Variants in RASL12 observed in about 807,000 individuals in gnomAD.
RASL12 encodes RAS like family 12, also known as ras-like protein family member 12.
A neutral mutation model predicts 22.9 loss-of-function variants in RASL12; 16 were observed. The observed-to-expected ratio is 0.70, with a 90% CI of 0.47 to 1.06. The LOEUF is 1.06. RASL12 is among the 50% of genes least tolerant of loss of function. RASL12 has a pLI of 0.00. For missense variants in RASL12, 306 were observed against 353.1 expected, an observed-to-expected ratio of 0.87 and a Z score of 1.07; for synonymous variants, 159 against 152.2, an observed-to-expected ratio of 1.04 and a Z score of -0.33.
intron 1 of RASL12, among the ~76,000 whole-genome samples, chr15:65,076,272 G>A (rs948872746): frequency 5.3e-5 from 8 of 152,164 alleles, no homozygotes; most frequent in Non-Finnish European, 8.8e-5. Flanking sequence ...GGTCCACACT[G>A]CTTTTATGAG....
At chr15:65,050,446 C>G (rs1036246629), downstream of RASL12, among the ~76,000 whole-genome samples, 1 of 152,172 alleles carries the variant, frequency 6.6e-6, no homozygotes, top group East Asian at 1.9e-4. Context: ...TAAAAATAAA[C>G]AACTAAAACG....
At chr15:65,059,260 A>G (rs1296173502) in intron 3 of RASL12, 85 bp downstream of exon 3, 1 of 1,179,302 alleles carries the variant, frequency 8.5e-7, no homozygotes, top group African/African-American at 1.5e-5. Context: ...CTAAATGCCT[A>G]TCTGAGGTCC....
At chr15:65,058,368 T>C in intron 4 of RASL12, 59 bp downstream of exon 4, 1 of 1,372,318 alleles carries the variant, frequency 7.3e-7, no homozygotes, top group Non-Finnish European at 9.6e-7. Flanking sequence ...AGATGCCACC[T>C]GACCTTACAA....
upstream of RASL12, chr15:65,068,346 C>A (rs1034821856): frequency 1.0e-6 from 1 of 962,168 alleles, no homozygotes; most frequent in Middle Eastern, 5.3e-4. The surrounding 1 kb of genome is among the most constrained non-coding windows in gnomAD (Gnocchi z 4.2). Context: ...AGCCCCGCCT[C>A]CTCCTCCAGG....
intron 2 of RASL12, among the ~76,000 whole-genome samples, chr15:65,064,419 G>A (rs1294893423): frequency 6.6e-6 from 1 of 152,146 alleles, no homozygotes; most frequent in Non-Finnish European, 1.5e-5. Context: ...GACTGACACC[G>A]AAACGTTCCT....
At chr15:65,049,366 G>A (rs1238896826), downstream of RASL12, 2 of 151,694 alleles carry the variant, frequency 1.3e-5, no homozygotes, top group Non-Finnish European at 2.9e-5. Context: ...TCTCGGGGTC[G>A]GGGCAGGGGG....
At chr15:65,052,349 T>C (rs1444349292), downstream of RASL12, among the ~76,000 whole-genome samples, 2 of 151,084 alleles carry the variant, frequency 1.3e-5, no homozygotes, top group Admixed American at 1.3e-4. Flanking sequence ...GAACACAGGA[T>C]TCAAGAGTCA....
chr15:65,050,224 G>A (rs1310023948), downstream of RASL12: 7 of 760,302 alleles, frequency 9.2e-6, no homozygotes, highest in Non-Finnish European at 1.5e-5. Flanking sequence ...TCCAAGACAG[G>A]GAATCAGTCG....
chr15:65,063,863 C>A lies in RASL12; in HGVS notation c.160+1354G>T, dbSNP rs528485871. ...CACTAGGGTAAGGAGCTCTCCCCTC[C>A]AGGTGCGGCAGGAGCGCTGGATCAG... On this transcript the variant is annotated intron_variant, in intron 2 of 4. Coordinates refer to ENST00000220062, the MANE Select transcript of RASL12 (RefSeq NM_016563.4). 3.3e-5 allele frequency among the ~76,000 whole-genome samples: 5 copies of A among 152,316 alleles called. No homozygotes were observed. The East Asian group carries it at 9.6e-4, about 29-fold the overall frequency.
At chr15:65,047,258 C>A in the RASL12 span, among the ~76,000 whole-genome samples, 1 of 151,730 alleles carries the variant, frequency 6.6e-6, no homozygotes, top group Non-Finnish European at 1.5e-5. Flanking sequence ...ATTTCTTGAA[C>A]CTGGGAGGCG....
intron 2 of RASL12, among the ~76,000 whole-genome samples, chr15:65,063,660 C>T (rs1438343216): frequency 6.6e-6 from 1 of 152,214 alleles, no homozygotes; most frequent in Non-Finnish European, 1.5e-5. Flanking sequence ...CCTGACTTAC[C>T]CATGGGAACC....
downstream of RASL12, chr15:65,051,742 G>A (rs1377325021): frequency 8.7e-6 from 6 of 688,138 alleles, no homozygotes; most frequent in Middle Eastern, 6.5e-4. Context: ...AGCCTTCAGT[G>A]TCCTTCGAGA....
At chr15:65,066,915 C>T (rs916221697) in intron 1 of RASL12, among the ~76,000 whole-genome samples, 1 of 152,226 alleles carries the variant, frequency 6.6e-6, no homozygotes, top group South Asian at 2.1e-4. Flanking sequence ...TCTGCCCTCC[C>T]TCCTTCAGCC....
chr15:65,075,393 A>G (rs1355552308), intron 1 of RASL12, among the ~76,000 whole-genome samples: 1 of 152,282 alleles, frequency 6.6e-6, no homozygotes, highest in East Asian at 1.9e-4. Context: ...CAACCACCCA[A>G]GGGCTGAGGA....
upstream of RASL12, among the ~76,000 whole-genome samples, chr15:65,070,977 T>C (rs963224103): frequency 6.6e-6 from 1 of 152,186 alleles, no homozygotes; most frequent in Admixed American, 6.5e-5. Flanking sequence ...AGTCCAGTGC[T>C]CTTCCTCCTC....
At chr15:65,068,552 G>A (rs1388867691), upstream of RASL12, among the ~76,000 whole-genome samples, 1 of 152,170 alleles carries the variant, frequency 6.6e-6, no homozygotes, top group East Asian at 1.9e-4. The surrounding 1 kb of genome is among the most constrained non-coding windows in gnomAD (Gnocchi z 4.2). Flanking sequence ...GGCCAATATG[G>A]GTTCAGCTTC....
rs148658502 is a variant in RASL12, at chr15:65,076,033, C to T, written c.70+496G>A. ...CTGTATCTAACTAATCTGATGGGGA[C>T]GTGGAGAACTTTTGTATCTAGCTCA... is the stretch of plus-strand genomic sequence containing the variant. On this transcript the variant is annotated intron_variant, in intron 1 of 4. Coordinates refer to the RASL12 transcript ENST00000434605. Among the ~76,000 whole-genome samples the T allele has an allele frequency of 2.4e-4, 36 of 152,228 alleles. No homozygotes were observed. The East Asian group carries it at 5.6e-3, about 24-fold the overall frequency.
chr15:65,051,775 C>G (rs1167606925), downstream of RASL12, among the ~76,000 whole-genome samples: 2 of 151,024 alleles, frequency 1.3e-5, no homozygotes, highest in African/African-American at 4.9e-5. Flanking sequence ...TAAAAACAAA[C>G]AAACAAACAA....
At chr15:65,049,869 C>A, downstream of RASL12, 2 of 516,472 alleles carry the variant, frequency 3.9e-6, no homozygotes, top group Non-Finnish European at 6.7e-6. Flanking sequence ...GGTGGGATAT[C>A]CAGTCATGCT....
Sources: allele counts gnomAD v4.1 joint callset (sites outside exome capture counted in the v4.1 genomes callset), GRCh38; gene constraint gnomAD v4.1.1; non-coding constraint Gnocchi (gnomAD v3.1); transcripts MANE v1.5; gene names NCBI Gene and HGNC (gene_info 2026-07-23, HGNC 2026-07-21).